TENM2: variants seen among roughly 807,000 people sequenced by gnomAD.
TENM2 encodes teneurin transmembrane protein 2, also known as teneurin-2.
Under a neutral mutation model 245.2 loss-of-function variants are expected in TENM2, and 52 were observed. That is an observed-to-expected ratio of 0.21 (90% confidence interval 0.17 to 0.27). The LOEUF is 0.27. Among genes scored for constraint, TENM2 ranks in the 10% least tolerant of loss-of-function variants. The pLI is 1.00. For synonymous variants in TENM2, 1,363 were observed against 1,438.9 expected (o/e 0.95, Z 1.19); for missense variants, 3,046 against 3,666.8 (o/e 0.83, Z 4.37).
At chr5:167,505,024 G>A (rs891705886) in intron 2 of TENM2, among the ~76,000 whole-genome samples, 4 of 152,114 alleles carry the variant, frequency 2.6e-5, no homozygotes, top group Admixed American at 2.6e-4. Context: ...CTTATAATGG[G>A]TTAAAGAGGA....
the TENM2 span, among the ~76,000 whole-genome samples, chr5:167,175,458 TG>T: frequency 6.6e-6 from 1 of 152,278 alleles, no homozygotes; most frequent in Non-Finnish European, 1.5e-5. Flanking sequence ...ATTACTTTTT[TG>T]TGTGTAACAT....
At chr5:167,574,571 C>A (rs995506548) in intron 2 of TENM2, among the ~76,000 whole-genome samples, 1 of 152,040 alleles carries the variant, frequency 6.6e-6, no homozygotes. Context: ...GTTGATGGTT[C>A]ATAAATAGAG....
intron 2 of TENM2, among the ~76,000 whole-genome samples, chr5:167,737,171 C>T (rs904205658): frequency 9.2e-5 from 14 of 152,148 alleles, no homozygotes; most frequent in African/African-American, 3.4e-4. Context: ...GCCAGTACGT[C>T]AAAGCGTTTT....
chr5:167,488,191 G>A (rs1391749482), intron 2 of TENM2, among the ~76,000 whole-genome samples: 1 of 152,022 alleles, frequency 6.6e-6, no homozygotes. Flanking sequence ...AGTGTGTACT[G>A]CTCTATTGCA....
chr5:167,436,357 G>A (rs1283549648), intron 2 of TENM2, among the ~76,000 whole-genome samples: 1 of 152,100 alleles, frequency 6.6e-6, no homozygotes, highest in East Asian at 1.9e-4. Context: ...AAAATTCTGG[G>A]ATTACAGGTG....
chr5:167,840,101 G>T (rs1200662057), intron 2 of TENM2, among the ~76,000 whole-genome samples: 1 of 152,196 alleles, frequency 6.6e-6, no homozygotes. Flanking sequence ...GATTACAGGC[G>T]TGAGCCACCA....
At chr5:167,271,979 CG>C in the TENM2 span, among the ~76,000 whole-genome samples, 1 of 152,098 alleles carries the variant, frequency 6.6e-6, no homozygotes, top group Non-Finnish European at 1.5e-5. Flanking sequence ...GTCTACCCAG[CG>C]GTCACAGGAA....
At chr5:167,353,750 G>A (rs113750780) in intron 1 of TENM2, among the ~76,000 whole-genome samples, 3,999 of 151,774 alleles carry the variant, frequency 0.026, 170 homozygotes, top group African/African-American at 0.091. Context: ...CTCGTGATCC[G>A]CCCGCCTCGG....
chr5:167,916,303 C>CT (rs1719824565), intron 3 of TENM2, among the ~76,000 whole-genome samples: 1 of 152,122 alleles, frequency 6.6e-6, no homozygotes. Flanking sequence ...TGAAAGGCCC[C>CT]TGGTGTCTCT....
chr5:167,645,417 A>G (rs1779864750), intron 2 of TENM2, among the ~76,000 whole-genome samples: 1 of 152,158 alleles, frequency 6.6e-6, no homozygotes, highest in Non-Finnish European at 1.5e-5. Context: ...TGGAGTTGCC[A>G]CAGGGACTCA....
At chr5:166,985,580 A>G in the TENM2 span, among the ~76,000 whole-genome samples, 1 of 152,150 alleles carries the variant, frequency 6.6e-6, no homozygotes, top group African/African-American at 2.4e-5. Flanking sequence ...ATATATCCCC[A>G]CACATAATCA....
At chr5:167,378,864 C>CT (rs35919553) in intron 2 of TENM2, among the ~76,000 whole-genome samples, 143 of 136,162 alleles carry the variant, frequency 1.1e-3, no homozygotes, top group East Asian at 1.9e-3. Flanking sequence ...TAAAAATTTC[C>CT]TTTTTTTTTT....
At chr5:168,261,155 T>C (rs974555849) in intron 28 of TENM2, among the ~76,000 whole-genome samples, 1 of 152,154 alleles carries the variant, frequency 6.6e-6, no homozygotes, top group African/African-American at 2.4e-5. Flanking sequence ...ATCATTTCTC[T>C]CATTTATCTA....
chr5:167,610,293 A>G (rs148447473), intron 2 of TENM2, among the ~76,000 whole-genome samples: 39 of 152,172 alleles, frequency 2.6e-4, no homozygotes, highest in Non-Finnish European at 5.1e-4. Context: ...CCTTGAACCT[A>G]GTCCTTCTGA....
At chr5:167,215,207 C>T in the TENM2 span, among the ~76,000 whole-genome samples, 1 of 152,122 alleles carries the variant, frequency 6.6e-6, no homozygotes, top group South Asian at 2.1e-4. Flanking sequence ...TGATTCACAA[C>T]CTTCATTGTG....
the TENM2 span, among the ~76,000 whole-genome samples, chr5:167,150,064 C>T: frequency 6.6e-6 from 1 of 152,076 alleles, no homozygotes; most frequent in Non-Finnish European, 1.5e-5. Flanking sequence ...AAATAGTCTC[C>T]ACTGGAGAAT....
chr5:167,298,208 G>C (rs1407583820), intron 1 of TENM2, among the ~76,000 whole-genome samples: 1 of 152,112 alleles, frequency 6.6e-6, no homozygotes, highest in African/African-American at 2.4e-5. Flanking sequence ...TTAAGCTGAA[G>C]GAAGATTTTG....
At chr5:168,003,885 T>C (rs569694314) in intron 5 of TENM2, among the ~76,000 whole-genome samples, 47 of 152,344 alleles carry the variant, frequency 3.1e-4, no homozygotes, top group African/African-American at 1.1e-3. Context: ...AAGTATAGTA[T>C]GAAGGAGGGC....
intron 13 of TENM2, among the ~76,000 whole-genome samples, chr5:168,169,433 A>T (rs7724483): frequency 0.36 from 54,986 of 152,056 alleles, 10,894 homozygotes; most frequent in African/African-American, 0.5. Flanking sequence ...AGCTCTGGGC[A>T]TGCCATCCAA....
Sources: allele counts gnomAD v4.1 joint callset (sites outside exome capture counted in the v4.1 genomes callset), GRCh38; gene constraint gnomAD v4.1.1; transcripts MANE v1.5; gene names NCBI Gene and HGNC (gene_info 2026-07-23, HGNC 2026-07-21).